Variants in SGSM1 observed in about 807,000 individuals in gnomAD.
SGSM1 encodes RUN and TBC1 domain containing 2.
SGSM1 carries 73 observed loss-of-function variants against 133.8 expected under a neutral mutation model. The ratio of observed to expected loss-of-function variants is 0.55; its 90% CI spans 0.45 to 0.66. The LOEUF (loss-of-function observed/expected upper bound fraction) is 0.66, where lower values mean the gene tolerates loss of function less well. Ranked by LOEUF, SGSM1 falls within the 30% of genes least tolerant of loss-of-function variation. SGSM1 has a pLI of 0.00. For missense variants in SGSM1, 1,213 were observed against 1,448.1 expected, an observed-to-expected ratio of 0.84 and a Z score of 2.64; for synonymous variants, 563 against 573.0, an observed-to-expected ratio of 0.98 and a Z score of 0.25.
intron 9 of SGSM1, among the ~76,000 whole-genome samples, chr22:24,864,139 A>G (rs1202456991): frequency 6.6e-6 from 1 of 152,160 alleles, no homozygotes; most frequent in African/African-American, 2.4e-5. Context: ...AATGTCACGA[A>G]AAAGCTAGAT....
At chr22:24,902,037 A>T (rs1232309015) in intron 20 of SGSM1, 80 bp downstream of exon 20, 25 of 1,418,034 alleles carry the variant, frequency 1.8e-5, no homozygotes, top group Non-Finnish European at 2.1e-5. Context: ...CCCGCCTAGA[A>T]GTTATTTCAG....
chr22:24,824,526 ACCT>A (rs1202137759), intron 2 of SGSM1, among the ~76,000 whole-genome samples: 1 of 150,992 alleles, frequency 6.6e-6, no homozygotes, highest in Non-Finnish European at 1.5e-5. Context: ...CCCAACTGTC[ACCT>A]CCTGTGTGCC....
chr22:24,905,788 C>CAA (rs539155528), intron 21 of SGSM1, among the ~76,000 whole-genome samples: 2,251 of 88,472 alleles, frequency 0.025, 71 homozygotes, highest in African/African-American at 0.081. Flanking sequence ...GACTCTGTCT[C>CAA]AAAAAAAAAA....
intron 2 of SGSM1, among the ~76,000 whole-genome samples, chr22:24,825,968 A>G (rs1455083785): frequency 6.6e-6 from 1 of 152,162 alleles, no homozygotes; most frequent in Non-Finnish European, 1.5e-5. Context: ...AGCAGGGGAC[A>G]GCTGGCCCGG....
chr22:24,806,416 G>C, intron 1 of SGSM1, 25 bp from the exon 2 acceptor site: 1 of 1,521,912 alleles, frequency 6.6e-7, no homozygotes, highest in South Asian at 1.2e-5. Flanking sequence ...CGGCTGACCC[G>C]CGGCTCTCGT....
chr22:24,864,472 C>G (rs1166268969), intron 9 of SGSM1, among the ~76,000 whole-genome samples: 3 of 152,180 alleles, frequency 2.0e-5, no homozygotes, highest in Admixed American at 6.5e-5. Flanking sequence ...TCCATCCATG[C>G]AACAGAATAT....
chr22:24,845,243 T>C (rs1930031108), intron 3 of SGSM1, among the ~76,000 whole-genome samples: 2 of 152,136 alleles, frequency 1.3e-5, no homozygotes, highest in South Asian at 4.2e-4. Flanking sequence ...TGACACACAG[T>C]CTTGCATCTG....
intron 24 of SGSM1, among the ~76,000 whole-genome samples, chr22:24,922,652 A>G (rs1000724116): frequency 6.7e-6 from 1 of 148,720 alleles, no homozygotes; most frequent in Admixed American, 6.7e-5. Flanking sequence ...ATTTTTTTGT[A>G]TTTTTAGTAG....
intron 22 of SGSM1, among the ~76,000 whole-genome samples, chr22:24,916,408 C>T (rs1036655411): frequency 1.3e-5 from 2 of 151,994 alleles, no homozygotes; most frequent in African/African-American, 2.4e-5. Context: ...AAACTTAGTT[C>T]GAGGCCAGGC....
At chr22:24,922,443 GATCTGGGATTACAGGC>G (rs1934045650) in intron 24 of SGSM1, among the ~76,000 whole-genome samples, 1 of 147,774 alleles carries the variant, frequency 6.8e-6, no homozygotes, top group South Asian at 2.1e-4. Flanking sequence ...GCCTCCCAAA[GATCTGGGATTACAGGC>G]ATGAGCCACT....
rs1476723906 is a variant in SGSM1, at chr22:24,926,265, C to G, written c.*1991C>G. On this transcript the variant is annotated 3_prime_UTR_variant, in exon 25 of 25. Coordinates refer to ENST00000400358, the MANE Select transcript of SGSM1 (RefSeq NM_001098497.3). ...GGTGCAGGGTGGATAGAGGTCTAGC[C>G]AGCCCTTACTTCCTGAAGAGAGCTC... 1 of 152,174 alleles carries G rather than the reference C, an allele frequency of 6.6e-6. No individual in the cohort carries two copies. The highest frequency in any genetic ancestry group is 1.5e-5 in the Non-Finnish European group (1 of 68,054). The allele number at this position is 152,174 out of a possible 1,614,324, so 9.4% of individuals were successfully genotyped here. A position where few individuals can be genotyped will look rare whatever the true frequency, so the allele number is the denominator to read the frequency against.
At chr22:24,870,217 A>C (rs1430841496) in intron 12 of SGSM1, among the ~76,000 whole-genome samples, 1 of 152,196 alleles carries the variant, frequency 6.6e-6, no homozygotes, top group South Asian at 2.1e-4. Flanking sequence ...CCAGGCGCCC[A>C]CTATCCTGGC....
chr22:24,869,008 TC>T (rs552321238), intron 12 of SGSM1, among the ~76,000 whole-genome samples, 153 bp downstream of exon 12: 400 of 152,122 alleles, frequency 2.6e-3, no homozygotes, highest in Non-Finnish European at 4.6e-3. Flanking sequence ...AGCCTCAGTT[TC>T]CCCCCAAATA....
chr22:24,891,772 A>G (rs1323556533), intron 16 of SGSM1, among the ~76,000 whole-genome samples: 1 of 152,146 alleles, frequency 6.6e-6, no homozygotes, highest in Non-Finnish European at 1.5e-5. Context: ...GCAGGGGTGA[A>G]GGCAGTCAGA....
Position 24,844,991 on chromosome 22 carries a change from A to G in SGSM1, c.139+19A>G. On this transcript the variant is annotated intron_variant, in intron 3 of 24. Coordinates refer to ENST00000400358, the MANE Select transcript of SGSM1 (RefSeq NM_001098497.3). ...TTCTGTGGTGAGTCTGTGACCTGGG[A>G]AAGTGGCTTCTTTCTCTGTGGGCTG... 2 of 1,612,752 alleles carry G rather than the reference A, an allele frequency of 1.2e-6. No homozygotes were observed. Among genetic ancestry groups the G allele is most frequent in the South Asian group, 2.2e-5 (2 of 90,876 alleles).
At chr22:24,835,012 C>G (rs887976667) in intron 2 of SGSM1, among the ~76,000 whole-genome samples, 1 of 152,124 alleles carries the variant, frequency 6.6e-6, no homozygotes, top group Non-Finnish European at 1.5e-5. Context: ...ATACGTTATT[C>G]TCTGCGTTCA....
Position 24,917,711 on chromosome 22 carries a change from C to T in SGSM1, c.2982C>T (p.His994=). ...ELMHQNGDYT[H]FYFCYRWFLL... ...TGCATCAGAACGGGGACTATACTCA[C>T]TTCTACTTCTGCTACCGCTGGTTCC... is the stretch of plus-strand genomic sequence containing the variant. The change falls in exon 23 of 25, where the codon CAC becomes CAT. Residue 994 remains histidine (H), a synonymous_variant. Coordinates refer to ENST00000400358, the MANE Select transcript of SGSM1 (RefSeq NM_001098497.3). 6.2e-7 allele frequency: 1 copy of T among 1,614,028 alleles called. No individual in the cohort carries two copies. Among genetic ancestry groups the T allele is most frequent in the Non-Finnish European group, 8.5e-7 (1 of 1,179,972 alleles).
Position 24,819,342 on chromosome 22 carries a change from C to T in SGSM1, c.63+12858C>T, listed in dbSNP as rs61141820. Among the ~76,000 whole-genome samples the T allele has an allele frequency of 9.2e-3, 1,406 of 152,226 alleles. 19 individuals are homozygous for T. The highest frequency in any genetic ancestry group is 0.032 in the African/African-American group (1,336 of 41,538). On this transcript the variant is annotated intron_variant, in intron 2 of 24. Coordinates refer to ENST00000400358, the MANE Select transcript of SGSM1 (RefSeq NM_001098497.3). Reference sequence around the variant, plus strand: ...TCACACTAGCCATATTTCAAGCGCCCAGTAGCCACGTTTGGCTGATGATAA... The same window carrying T: ...TCACACTAGCCATATTTCAAGCGCCTAGTAGCCACGTTTGGCTGATGATAA...
In SGSM1 at chr22:24,924,036, G is replaced by A. The variant is rs1934104713; in HGVS notation, c.3194-150G>A. On this transcript the variant is annotated intron_variant, in intron 24 of 24. Coordinates refer to ENST00000400358, the MANE Select transcript of SGSM1 (RefSeq NM_001098497.3). The stretch of plus-strand genomic sequence containing the variant: ...CCCATTTTACAGATGAGGAAACTAA[G>A]GTCCAGAGGTAGAGGCCTTCTCCAG... 5 of 657,414 alleles carry A rather than the reference G, an allele frequency of 7.6e-6. No homozygotes were observed. In the Admixed American group the frequency reaches 7.6e-5, roughly 10 times the overall value. 40.7% of individuals were successfully genotyped at this position (657,414 alleles called of 1,614,324 possible).
Sources: gnomAD v4.1 joint callset for allele counts (sites outside exome capture counted in the v4.1 genomes callset) on GRCh38, gnomAD v4.1.1 for gene constraint, MANE v1.5 for transcripts, NCBI Gene and HGNC (gene_info 2026-07-23, HGNC 2026-07-21) for gene names.